ERLIN2: variants seen among roughly 807,000 people sequenced by gnomAD.
ERLIN2 encodes the protein erlin-2.
Under a neutral mutation model 41.5 loss-of-function variants are expected in ERLIN2, and 22 were observed. The ratio of observed to expected loss-of-function variants is 0.53; its 90% CI spans 0.38 to 0.76. The LOEUF is 0.76. Ranked by LOEUF, ERLIN2 falls within the 30% of genes least tolerant of loss-of-function variation. The pLI, the probability that ERLIN2 is intolerant of heterozygous loss-of-function variation, is 0.00. For synonymous variants in ERLIN2, 149 were observed against 150.9 expected (o/e 0.99, Z 0.09); for missense variants, 247 against 414.3 (o/e 0.60, Z 3.51).
Position 37,748,841 on chromosome 8 carries a change from A to T in ERLIN2, c.425-718A>T, listed in dbSNP as rs566486909. Among the ~76,000 whole-genome samples, 3 of 152,282 alleles carry T rather than the reference A, an allele frequency of 2.0e-5. No individual in the cohort carries two copies. In the South Asian group the frequency reaches 6.2e-4, roughly 32 times the overall value. On this transcript the variant is annotated intron_variant, in intron 6 of 11. Transcript: ENST00000519638. ...TCAGCTTTGGTACTGCTGTTCTGAG[A>T]TTGCAGCTGGAAAGGAAGGTGGGGG... is the stretch of plus-strand genomic sequence containing the variant.
rs925767003 is a variant in ERLIN2, at chr8:37,749,566, T to A, written c.432T>A (p.Ile144=). 25 of 1,612,510 alleles carry A rather than the reference T, an allele frequency of 1.6e-5. No individual in the cohort carries two copies. The East Asian group carries it at 5.6e-4, about 36-fold the overall frequency. ...ATCTTTTCTTTATTCCAGATCAGAT[T>A]GATGAAAATCTCAAACTGGCTTTGC... ...QEVYIELFDQ[I]DENLKLALQQ... The change falls in exon 7 of 12, where the codon ATT becomes ATA. Residue 144 remains isoleucine (I), a synonymous_variant. Coordinates refer to ENST00000519638, the MANE Select transcript of ERLIN2 (RefSeq NM_007175.8).
chr8:37,742,608 AACACATGG>A (rs1490735550), intron 4 of ERLIN2, among the ~76,000 whole-genome samples: 1 of 152,168 alleles, frequency 6.6e-6, no homozygotes, highest in African/African-American at 2.4e-5. Context: ...GAATGATGAG[AACACATGG>A]ACACATGGAG....
Position 37,747,785 on chromosome 8 carries a change from C to T in ERLIN2, c.425-1774C>T, listed in dbSNP as rs1803105259. The T allele has an allele frequency of 3.1e-6, 5 of 1,613,728 alleles. No individual in the cohort carries two copies. In the South Asian group the frequency reaches 5.5e-5, roughly 18 times the overall value. On this transcript the variant is annotated intron_variant, in intron 6 of 11. Transcript: ENST00000519638. ...GGTCTCCGCAGATACATAGTCTCTT[C>T]GTCTTCTGTGTTACAAAACTTATGG...
intron 2 of ERLIN2, among the ~76,000 whole-genome samples, chr8:37,739,147 G>A (rs941231125): frequency 6.6e-6 from 1 of 152,150 alleles, no homozygotes; most frequent in Non-Finnish European, 1.5e-5. Flanking sequence ...TATATGTGCT[G>A]TTGTGATGCT....
At position 37,755,780 on chromosome 8, in the gene ERLIN2, T is replaced by G. The variant is rs1231968589; in HGVS notation, c.*1665T>G. 1 of 152,134 alleles carries G rather than the reference T, an allele frequency of 6.6e-6. No individual in the cohort carries two copies. The highest frequency in any genetic ancestry group is 1.5e-5 in the Non-Finnish European group (1 of 68,050). 9.4% of individuals were successfully genotyped at this position (152,134 alleles called of 1,614,324 possible). On this transcript the variant is annotated 3_prime_UTR_variant, in exon 12 of 12. Coordinates refer to ENST00000519638, the MANE Select transcript of ERLIN2 (RefSeq NM_007175.8). ...GTGTTAGCTCCCCTTACTTCAAAGT[T>G]GCCCTTCTCTGTTCTGACTCCTGGG...
At chr8:37,743,830 T>C (rs1050120570) in intron 4 of ERLIN2, among the ~76,000 whole-genome samples, 5 of 152,122 alleles carry the variant, frequency 3.3e-5, no homozygotes, top group African/African-American at 1.2e-4. Flanking sequence ...TAAGGTAAAA[T>C]GTTATCAGTG....
rs747590204 is a variant in ERLIN2 at position 37,753,408 on chromosome 8, T to C, written c.740-42T>C. The C allele has an allele frequency of 5.8e-6, 9 of 1,552,754 alleles. No individual in the cohort carries two copies. In the African/African-American group the frequency reaches 1.2e-4, roughly 21 times the overall value. On this transcript the variant is annotated intron_variant, in intron 10 of 11. Transcript: ENST00000519638. Reference sequence around the variant, plus strand: ...TCTGCACTTCCTGCAAAGAACTCAGTTTTAGCACTTCACCAAGTTCACTGC... The same window carrying C: ...TCTGCACTTCCTGCAAAGAACTCAGCTTTAGCACTTCACCAAGTTCACTGC...
At chr8:37,742,596 C>A (rs1294205349) in intron 4 of ERLIN2, among the ~76,000 whole-genome samples, 3 of 152,152 alleles carry the variant, frequency 2.0e-5, no homozygotes, top group South Asian at 2.1e-4. Flanking sequence ...TAAGTGGGAA[C>A]TGAATGATGA....
intron 4 of ERLIN2, among the ~76,000 whole-genome samples, chr8:37,742,117 G>A (rs1802871127): frequency 6.6e-6 from 1 of 152,096 alleles, no homozygotes. Context: ...GCTGAGGCAG[G>A]TGGATCATGA....
At chr8:37,753,657 C>G in intron 11 of ERLIN2, 128 bp downstream of exon 11, 1 of 858,738 alleles carries the variant, frequency 1.2e-6, no homozygotes, top group East Asian at 2.6e-5. Flanking sequence ...GATGCCTTTG[C>G]TGTGTGGTGC....
chr8:37,749,460 T>C (rs1302277250), intron 6 of ERLIN2, 99 bp from the exon 7 acceptor site: 5 of 841,910 alleles, frequency 5.9e-6, no homozygotes, highest in Admixed American at 5.3e-5. Context: ...GGAAAGTACA[T>C]TCTTGAGCTG....
At chr8:37,748,030 T>A (rs1412313981) in intron 6 of ERLIN2, 5 of 1,595,792 alleles carry the variant, frequency 3.1e-6, no homozygotes, top group South Asian at 2.2e-5. Flanking sequence ...CCTGAAAAAC[T>A]CTACGCAAAG....
intron 6 of ERLIN2, 30 bp from the exon 7 acceptor site, chr8:37,749,529 T>G: frequency 6.5e-7 from 1 of 1,538,232 alleles, no homozygotes; most frequent in South Asian, 1.1e-5. Flanking sequence ...GTGTAACAAC[T>G]CCTTTTTCTC....
At chr8:37,751,879 G>A (rs183525142) in intron 10 of ERLIN2, among the ~76,000 whole-genome samples, 164 bp downstream of exon 10, 186 of 152,310 alleles carry the variant, frequency 1.2e-3, no homozygotes, top group Non-Finnish European at 1.6e-3. Context: ...TGAGGCTATT[G>A]TGGCCAGGCT....
At chr8:37,750,337 G>C in intron 8 of ERLIN2, 58 bp from the exon 9 acceptor site, 1 of 1,324,766 alleles carries the variant, frequency 7.5e-7, no homozygotes, top group Middle Eastern at 1.9e-4. Flanking sequence ...GACTTACCTG[G>C]GGATAGTGAA....
At chr8:37,739,737 A>G (rs1000468472) in intron 2 of ERLIN2, among the ~76,000 whole-genome samples, 2 of 151,750 alleles carry the variant, frequency 1.3e-5, no homozygotes, top group Non-Finnish European at 2.9e-5. Flanking sequence ...CCTCCCAAAG[A>G]TCACAGGCGT....
rs796367282 is a variant in ERLIN2 at position 37,736,904 on chromosome 8, CCT to C, written c.-16+232_-16+233del. 7.1e-6 allele frequency: 7 copies of C among 985,880 alleles called. 1 individual carries two copies. In the African/African-American group the frequency reaches 1.2e-4, roughly 17 times the overall value. The allele number at this position is 985,880 out of a possible 1,614,324, so 61.1% of individuals were successfully genotyped here. A position where few individuals can be genotyped will look rare whatever the true frequency, so the allele number is the denominator to read the frequency against. Reference sequence around the variant, plus strand: ...GCAGCCCCAGACCAGGGCGCTTGACCCTCTCTCGGAACGGGGCGGGGAAGGGG... The same window carrying C: ...GCAGCCCCAGACCAGGGCGCTTGACCCTCTCGGAACGGGGCGGGGAAGGGG... On this transcript the variant is annotated intron_variant, in intron 1 of 11. Coordinates refer to ENST00000519638, the MANE Select transcript of ERLIN2 (RefSeq NM_007175.8).
intron 6 of ERLIN2, among the ~76,000 whole-genome samples, chr8:37,749,050 G>T (rs1803151490): frequency 6.6e-6 from 1 of 152,148 alleles, no homozygotes; most frequent in Non-Finnish European, 1.5e-5. Context: ...CTTCCTTGGG[G>T]CTCTCCTTGA....
chr8:37,744,042 CTT>C (rs1437202611), intron 4 of ERLIN2, among the ~76,000 whole-genome samples: 1 of 152,226 alleles, frequency 6.6e-6, no homozygotes, highest in Admixed American at 6.5e-5. Context: ...CCTCCTTAGT[CTT>C]TTCCGTGCAA....
Sources: gnomAD v4.1 joint callset for allele counts (sites outside exome capture counted in the v4.1 genomes callset) on GRCh38, gnomAD v4.1.1 for gene constraint, MANE v1.5 for transcripts, NCBI Gene and HGNC (gene_info 2026-07-23, HGNC 2026-07-21) for gene names.